SDC4: variants seen among roughly 807,000 people sequenced by gnomAD.
SDC4 encodes syndecan-4.
A neutral mutation model predicts 20.5 loss-of-function variants in SDC4; 17 were observed. The observed-to-expected ratio is 0.83, with a 90% CI of 0.57 to 1.25. The LOEUF is 1.25. SDC4 is among the 50% of genes most tolerant of loss of function. The pLI, the probability that SDC4 is intolerant of heterozygous loss-of-function variation, is 0.00. For synonymous variants in SDC4, 107 were observed against 105.3 expected (o/e 1.02, Z -0.10); for missense variants, 241 against 252.3 (o/e 0.96, Z 0.30).
At chr20:45,329,589 G>A (rs1987744972) in intron 4 of SDC4, among the ~76,000 whole-genome samples, 1 of 152,194 alleles carries the variant, frequency 6.6e-6, no homozygotes, top group African/African-American at 2.4e-5. Context: ...GCCAGGCTCT[G>A]TCCCTATAGC....
intron 2 of SDC4, among the ~76,000 whole-genome samples, chr20:45,333,905 T>C (rs994574488): frequency 6.6e-6 from 1 of 151,924 alleles, no homozygotes; most frequent in African/African-American, 2.4e-5. Flanking sequence ...TTAAAGCTAA[T>C]ATTTCACTTA....
At position 45,348,362 on chromosome 20, in the gene SDC4, G is replaced by A. The variant is rs762069007; in HGVS notation, c.23C>T (p.Ala8Val). 6.3e-7 allele frequency: 1 copy of A among 1,591,004 alleles called. No homozygotes were observed. Among genetic ancestry groups the A allele is most frequent in the Admixed American group, 1.7e-5 (1 of 57,252 alleles). Residue 8 changes from alanine to valine, a missense_variant, in exon 1 of 5, where the codon GCG (alanine) becomes GTG (valine). Coordinates refer to ENST00000372733, the MANE Select transcript of SDC4 (RefSeq NM_002999.4). MAPARLF[A>V]LLLFFVGGVA... Reference sequence around the variant, plus strand: ...TCCGCCTACGAAGAACAGCAGCAGCGCGAACAGACGGGCGGGGGCCATGGC... The same window carrying A: ...TCCGCCTACGAAGAACAGCAGCAGCACGAACAGACGGGCGGGGGCCATGGC...
chr20:45,343,913 C>A (rs115928550), intron 1 of SDC4, among the ~76,000 whole-genome samples: 2,431 of 152,322 alleles, frequency 0.016, 67 homozygotes, highest in African/African-American at 0.055. Context: ...GAGGCTGGGG[C>A]TCAGAGGTGG....
At chr20:45,327,786 G>A (rs1407069555) in intron 4 of SDC4, among the ~76,000 whole-genome samples, 2 of 152,240 alleles carry the variant, frequency 1.3e-5, no homozygotes, top group Non-Finnish European at 2.9e-5. Flanking sequence ...TGGGATTATA[G>A]GCACGTGCCA....
At chr20:45,340,596 A>G (rs1987940419) in intron 1 of SDC4, among the ~76,000 whole-genome samples, 1 of 152,246 alleles carries the variant, frequency 6.6e-6, no homozygotes, top group South Asian at 2.1e-4. Context: ...AAAGGAACAG[A>G]AACTTGGCTG....
chr20:45,333,067 C>T lies in SDC4; in HGVS notation c.202G>A (p.Asp68Asn). 6.2e-7 allele frequency: 1 copy of T among 1,614,168 alleles called. No individual in the cohort carries two copies. Among genetic ancestry groups the T allele is most frequent in the Admixed American group, 1.7e-5 (1 of 60,030 alleles). Residue 68 changes from aspartate (D) to asparagine (N), a missense_variant and splice_region_variant, in exon 3 of 5, where the codon GAC (aspartate) becomes AAC (asparagine). Physicochemically the swap from Asp to Asn is conservative, Grantham distance 23. Transcript: ENST00000372733. ...FELSGSGDLD[D>N]LEDSMIGPEV... Reference sequence around the variant, plus strand: ...GGGCCGATCATGGAGTCTTCCAAGTCATCTGTAAGGTCAGAATAGCTGTGT... The same window carrying T: ...GGGCCGATCATGGAGTCTTCCAAGTTATCTGTAAGGTCAGAATAGCTGTGT...
At chr20:45,346,210 C>T (rs1365114712) in intron 1 of SDC4, among the ~76,000 whole-genome samples, 4 of 152,250 alleles carry the variant, frequency 2.6e-5, no homozygotes, top group African/African-American at 9.6e-5. Flanking sequence ...CTCTTCAGTC[C>T]GAGCCAACCG....
chr20:45,335,744 A>C (rs1329689329), intron 2 of SDC4, 38 bp downstream of exon 2: 5 of 1,603,752 alleles, frequency 3.1e-6, no homozygotes, highest in Non-Finnish European at 3.4e-6. Context: ...CACTCCCTCC[A>C]GCTTTGTGCC....
At chr20:45,343,968 C>A (rs1424710650) in intron 1 of SDC4, among the ~76,000 whole-genome samples, 2 of 152,194 alleles carry the variant, frequency 1.3e-5, no homozygotes, top group African/African-American at 4.8e-5. Flanking sequence ...GTGGACTTCG[C>A]ACGTCTGGAG....
intron 3 of SDC4, among the ~76,000 whole-genome samples, chr20:45,331,302 A>G (rs1257089455): frequency 6.6e-6 from 1 of 152,170 alleles, no homozygotes. Flanking sequence ...TGGATACAAG[A>G]GGCCCTAATA....
At chr20:45,340,161 C>T (rs527514359) in intron 1 of SDC4, among the ~76,000 whole-genome samples, 10 of 152,152 alleles carry the variant, frequency 6.6e-5, no homozygotes, top group African/African-American at 9.7e-5. Context: ...CATGAAGCTA[C>T]GAAAAGGTCC....
At chr20:45,342,516 G>C (rs1987968435) in intron 1 of SDC4, among the ~76,000 whole-genome samples, 1 of 152,172 alleles carries the variant, frequency 6.6e-6, no homozygotes, top group South Asian at 2.1e-4. Context: ...ATTACCCCAG[G>C]TGTCACCTGA....
intron 1 of SDC4, among the ~76,000 whole-genome samples, chr20:45,339,468 C>G (rs1263020142): frequency 6.6e-6 from 1 of 152,232 alleles, no homozygotes; most frequent in Non-Finnish European, 1.5e-5. Flanking sequence ...CTAAGTAAGA[C>G]AGTGGTGGCT....
In SDC4 at chr20:45,338,142, G is replaced by A. The variant is rs763126638; in HGVS notation, c.61-2222C>T. 5.5e-4 allele frequency among the ~76,000 whole-genome samples: 84 copies of A among 152,152 alleles called. 1 individual carries two copies. The highest frequency in any genetic ancestry group is 2.2e-4 in the Non-Finnish European group (15 of 68,022). The stretch of plus-strand genomic sequence containing the variant: ...CAGGCCTTAACCAAGCACACAGCCT[G>A]TCTAGGTCCTTTTAATAGTCCCTTT... On this transcript the variant is annotated intron_variant, in intron 1 of 4. Coordinates refer to ENST00000372733, the MANE Select transcript of SDC4 (RefSeq NM_002999.4).
rs148744732 is a variant in SDC4, at chr20:45,331,190, C to T, written c.247-626G>A. Among the ~76,000 whole-genome samples the T allele has an allele frequency of 2.1e-3, 320 of 152,252 alleles. 2 individuals are homozygous for T. Among genetic ancestry groups the T allele is most frequent in the African/African-American group, 7.3e-3 (304 of 41,520 alleles). On this transcript the variant is annotated intron_variant, in intron 3 of 4. Coordinates refer to ENST00000372733, the MANE Select transcript of SDC4 (RefSeq NM_002999.4). ...CTCCCGAATCAAAGGAAATGGACTG[C>T]AGCACTGATTGGAGGACTTTGGATA...
intron 2 of SDC4, among the ~76,000 whole-genome samples, chr20:45,335,158 T>C (rs1600730650): frequency 2.1e-5 from 2 of 95,802 alleles, no homozygotes; most frequent in African/African-American, 4.1e-5. Context: ...TCCCACCCCA[T>C]CCCCACTTCT....
chr20:45,339,333 T>A (rs935592087), intron 1 of SDC4, among the ~76,000 whole-genome samples: 1 of 152,254 alleles, frequency 6.6e-6, no homozygotes. Context: ...TCTGTTCTCC[T>A]CAGCTCACCC....
chr20:45,330,324 A>G, intron 4 of SDC4, 42 bp downstream of exon 4: 1 of 1,587,656 alleles, frequency 6.3e-7, no homozygotes, highest in Non-Finnish European at 8.6e-7. Context: ...GCTGAGCCCC[A>G]TTCCACCTTC....
rs1372872317 is a variant in SDC4 at position 45,326,638 on chromosome 20, A to G, written c.*626T>C. 6.6e-6 allele frequency: 1 copy of G among 152,670 alleles called. No homozygotes were observed. The highest frequency in any genetic ancestry group is 1.5e-5 in the Non-Finnish European group (1 of 68,052). 9.5% of individuals were successfully genotyped at this position (152,670 alleles called of 1,614,324 possible). A position where few individuals can be genotyped will look rare whatever the true frequency, so the allele number is the denominator to read the frequency against. ...AAATAGATTTACAAATATTCTATAA[A>G]TCCATTTCAGCATAAACTCTCAGCT... On this transcript the variant is annotated 3_prime_UTR_variant, in exon 5 of 5. Transcript: ENST00000372733.
Sources: allele counts gnomAD v4.1 joint callset (sites outside exome capture counted in the v4.1 genomes callset), GRCh38; gene constraint gnomAD v4.1.1; transcripts MANE v1.5; gene names NCBI Gene and HGNC (gene_info 2026-07-23, HGNC 2026-07-21).